CEP128: variants seen among roughly 807,000 people sequenced by gnomAD.
CEP128 encodes the protein centrosomal protein 128.
Under a neutral mutation model 156.7 loss-of-function variants are expected in CEP128, and 132 were observed. That is an observed-to-expected ratio of 0.84 (90% CI 0.73 to 0.97). The LOEUF (loss-of-function observed/expected upper bound fraction) is 0.97, where lower values mean the gene tolerates loss of function less well. Among genes scored for constraint, CEP128 ranks in the 50% least tolerant of loss-of-function variants. The probability of loss-of-function intolerance (pLI) is 0.00; values close to 1 mark genes in which losing one functional copy is unlikely to be tolerated. For missense variants in CEP128, 1,252 were observed against 1,281.9 expected, an observed-to-expected ratio of 0.98 and a Z score of 0.36; for synonymous variants, 469 against 448.9, an observed-to-expected ratio of 1.04 and a Z score of -0.57.
At chr14:80,759,112 T>C (rs1163496840) in intron 17 of CEP128, among the ~76,000 whole-genome samples, 1 of 152,220 alleles carries the variant, frequency 6.6e-6, no homozygotes, top group Non-Finnish European at 1.5e-5. Flanking sequence ...ATGATACATC[T>C]TAATTCAGAC....
intron 20 of CEP128, among the ~76,000 whole-genome samples, chr14:80,562,333 AG>A (rs1890720269): frequency 9.2e-6 from 1 of 109,068 alleles, no homozygotes; most frequent in African/African-American, 3.8e-5. Context: ...CAGAAAATTT[AG>A]TTCATTAACC....
chr14:80,882,937 T>C (rs1888619781), intron 8 of CEP128, among the ~76,000 whole-genome samples: 1 of 152,022 alleles, frequency 6.6e-6, no homozygotes, highest in African/African-American at 2.4e-5. Flanking sequence ...GGAAGGGAAG[T>C]TTAATGGGTA....
At chr14:80,696,818 A>G (rs915438305) in intron 19 of CEP128, among the ~76,000 whole-genome samples, 1 of 152,220 alleles carries the variant, frequency 6.6e-6, no homozygotes, top group Non-Finnish European at 1.5e-5. Context: ...GAGACCTTTA[A>G]ACAGGAATAA....
chr14:80,673,146 A>C (rs1239403533), intron 19 of CEP128, among the ~76,000 whole-genome samples: 1 of 152,170 alleles, frequency 6.6e-6, no homozygotes, highest in Non-Finnish European at 1.5e-5. Flanking sequence ...ATAACAGGAA[A>C]ATTTATAGTC....
intron 19 of CEP128, among the ~76,000 whole-genome samples, chr14:80,686,551 G>A (rs1192880849): frequency 1.3e-5 from 2 of 152,132 alleles, no homozygotes; most frequent in African/African-American, 2.4e-5. Context: ...GCATCATGAT[G>A]ATAGAATCAA....
intron 10 of CEP128, among the ~76,000 whole-genome samples, chr14:80,838,632 T>C (rs1337039781): frequency 1.3e-5 from 2 of 152,088 alleles, no homozygotes; most frequent in African/African-American, 2.4e-5. Context: ...CTAAATCTCT[T>C]TAATCTAAAT....
Position 80,747,088 on chromosome 14 carries a change from T to C in CEP128, c.2614-3821A>G, listed in dbSNP as rs1041643138. 4.6e-5 allele frequency among the ~76,000 whole-genome samples: 7 copies of C among 152,248 alleles called. No homozygotes were observed. In the East Asian group the frequency reaches 1.4e-3, roughly 29 times the overall value. ...TCAAAAAGACAGATAATAACAATTGTTTGTGTAGATGTGGAGAAACTGGAA... is the reference window on the plus strand; with the variant it reads ...TCAAAAAGACAGATAATAACAATTGCTTGTGTAGATGTGGAGAAACTGGAA... On this transcript the variant is annotated intron_variant, in intron 18 of 24. Transcript: ENST00000555265.
intron 21 of CEP128, among the ~76,000 whole-genome samples, chr14:80,541,301 G>GA (rs1393915088): frequency 2.0e-5 from 3 of 151,640 alleles, no homozygotes; most frequent in African/African-American, 4.8e-5. Context: ...AGAGTATGGA[G>GA]AAAAAAAGAT....
intron 13 of CEP128, among the ~76,000 whole-genome samples, chr14:80,826,372 T>G (rs1281919549): frequency 6.6e-6 from 1 of 152,118 alleles, no homozygotes; most frequent in Non-Finnish European, 1.5e-5. Context: ...TGCACTTAGA[T>G]AAGGAAGAAA....
chr14:80,725,744 A>G (rs551661805), intron 19 of CEP128, among the ~76,000 whole-genome samples: 1 of 152,248 alleles, frequency 6.6e-6, no homozygotes, highest in East Asian at 1.9e-4. Context: ...CTCCGGAAGA[A>G]GTATGCAGTA....
intron 22 of CEP128, 23 bp from the exon 23 acceptor site, chr14:80,527,005 G>A: frequency 1.9e-6 from 2 of 1,055,846 alleles, no homozygotes; most frequent in South Asian, 2.7e-5. Context: ...AAAAGCAAAG[G>A]GTCTGAACTG....
chr14:80,507,016 G>C (rs1429415246), intron 23 of CEP128, among the ~76,000 whole-genome samples: 1 of 151,926 alleles, frequency 6.6e-6, no homozygotes, highest in Non-Finnish European at 1.5e-5. Context: ...TTGTTTAAGT[G>C]TGTGGCACCT....
chr14:80,618,470 A>G (rs1331364456), intron 19 of CEP128, among the ~76,000 whole-genome samples: 1 of 152,260 alleles, frequency 6.6e-6, no homozygotes, highest in Non-Finnish European at 1.5e-5. Flanking sequence ...ACGTCTTGAA[A>G]TGTGGGATAA....
At chr14:80,866,189 C>T (rs140658907) in intron 8 of CEP128, among the ~76,000 whole-genome samples, 112 of 152,158 alleles carry the variant, frequency 7.4e-4, no homozygotes, top group Middle Eastern at 3.4e-3. Flanking sequence ...GGCCTTCCCC[C>T]GTGGGCCCAG....
chr14:80,942,391 A>G (rs1886204398), upstream of CEP128: 1 of 152,196 alleles, frequency 6.6e-6, no homozygotes, highest in Non-Finnish European at 1.5e-5. Flanking sequence ...CTAGAACATA[A>G]AAGAAATGTT....
chr14:80,943,316 A>C (rs1361399546), upstream of CEP128, among the ~76,000 whole-genome samples: 1 of 152,264 alleles, frequency 6.6e-6, no homozygotes, highest in Non-Finnish European at 1.5e-5. Flanking sequence ...TCTGTGTAAT[A>C]GAATACTGCA....
intron 19 of CEP128, among the ~76,000 whole-genome samples, chr14:80,589,581 G>C (rs1036932108): frequency 6.6e-6 from 1 of 152,050 alleles, no homozygotes; most frequent in Non-Finnish European, 1.5e-5. Flanking sequence ...CTCAGTGAAA[G>C]AGTCATGCAC....
chr14:80,830,253 C>A, intron 13 of CEP128: 1 of 638,804 alleles, frequency 1.6e-6, no homozygotes, highest in South Asian at 1.8e-5. Flanking sequence ...AAATCTTGAA[C>A]CAAATTTAAA....
intron 18 of CEP128, among the ~76,000 whole-genome samples, chr14:80,756,016 C>T: frequency 6.6e-6 from 1 of 152,120 alleles, no homozygotes; most frequent in East Asian, 1.9e-4. Flanking sequence ...GCAGTGAAAG[C>T]TTTCTGTTCA....
Sources: gnomAD v4.1 joint callset for allele counts (sites outside exome capture counted in the v4.1 genomes callset) on GRCh38, gnomAD v4.1.1 for gene constraint, MANE v1.5 for transcripts, NCBI Gene and HGNC (gene_info 2026-07-23, HGNC 2026-07-21) for gene names.